Variants in LLPH observed in about 807,000 individuals in gnomAD.
The protein encoded by LLPH is protein LLP homolog.
LLPH carries 5 observed loss-of-function variants against 13.3 expected under a neutral mutation model. The observed-to-expected ratio is 0.38, with a 90% CI of 0.20 to 0.79. LLPH has a LOEUF of 0.79. LLPH is among the 30% of genes least tolerant of loss of function. LLPH has a pLI of 0.45. For missense variants in LLPH, 129 were observed against 152.1 expected (o/e 0.85, Z 0.80); for synonymous variants, 32 against 44.2 (o/e 0.72, Z 1.09).
In LLPH at chr12:66,119,632, G is replaced by A. The variant is rs954017767; in HGVS notation, c.*4208C>T. The A allele has an allele frequency of 1.3e-5, 2 of 152,234 alleles. No homozygotes were observed. Among genetic ancestry groups the A allele is most frequent in the African/African-American group, 4.8e-5 (2 of 41,454 alleles). 9.4% of individuals were successfully genotyped at this position (152,234 alleles called of 1,614,324 possible). A position where few individuals can be genotyped will look rare whatever the true frequency, so the allele number is the denominator to read the frequency against. ...CAAATTTGAATCACTCTGCCAGATG[G>A]CATCAGAAGTTAGTCACTTAACTAG... is the stretch of plus-strand genomic sequence containing the variant. On this transcript the variant is annotated 3_prime_UTR_variant, in exon 3 of 3. Coordinates refer to ENST00000266604, the MANE Select transcript of LLPH (RefSeq NM_032338.4).
At chr12:66,126,219 G>A (rs1400535849) in intron 2 of LLPH, among the ~76,000 whole-genome samples, 2 of 151,874 alleles carry the variant, frequency 1.3e-5, no homozygotes, top group Non-Finnish European at 2.9e-5. Flanking sequence ...AGCTACTAGG[G>A]AGGCTGAGGC....
At position 66,117,382 on chromosome 12, in the gene LLPH, A is replaced by G. The variant is rs879870295; in HGVS notation, c.*6458T>C. 1 of 152,232 alleles carries G rather than the reference A, an allele frequency of 6.6e-6. No homozygotes were observed. The highest frequency in any genetic ancestry group is 1.9e-4 in the East Asian group (1 of 5,194). 9.4% of individuals were successfully genotyped at this position (152,232 alleles called of 1,614,324 possible). A position where few individuals can be genotyped will look rare whatever the true frequency, so the allele number is the denominator to read the frequency against. ...TTCAGTCAATATAGGCAGTGGTCCCATAAGATTACAGTAGAGCTGAAACAT... is the reference window on the plus strand; with the variant it reads ...TTCAGTCAATATAGGCAGTGGTCCCGTAAGATTACAGTAGAGCTGAAACAT... On this transcript the variant is annotated 3_prime_UTR_variant, in exon 3 of 3. Coordinates refer to ENST00000266604, the MANE Select transcript of LLPH (RefSeq NM_032338.4).
intron 2 of LLPH, among the ~76,000 whole-genome samples, chr12:66,128,235 C>T (rs2136831214): frequency 6.6e-6 from 1 of 152,244 alleles, no homozygotes; most frequent in South Asian, 2.1e-4. Flanking sequence ...TTTCCTTGGG[C>T]ATAAGACATC....
chr12:66,119,375 T>A lies in LLPH; in HGVS notation c.*4465A>T, dbSNP rs2051448741. ...CTGCAAAAGACTCTTGGCATTCAAC[T>A]GCGGAAAATTTAGGGTTTTGTAAGC... On this transcript the variant is annotated 3_prime_UTR_variant, in exon 3 of 3. Transcript: ENST00000266604. 1 of 152,212 alleles carries A rather than the reference T, an allele frequency of 6.6e-6. No homozygotes were observed. 9.4% of individuals were successfully genotyped at this position (152,212 alleles called of 1,614,324 possible). A position where few individuals can be genotyped will look rare whatever the true frequency, so the allele number is the denominator to read the frequency against.
At position 66,119,515 on chromosome 12, in the gene LLPH, C is replaced by T. The variant is rs1181271811; in HGVS notation, c.*4325G>A. 1 of 152,128 alleles carries T rather than the reference C, an allele frequency of 6.6e-6. No individual in the cohort carries two copies. Among genetic ancestry groups the T allele is most frequent in the Non-Finnish European group, 1.5e-5 (1 of 68,026 alleles). The allele number at this position is 152,128 out of a possible 1,614,324, so 9.4% of individuals were successfully genotyped here. Reference sequence around the variant, plus strand: ...GTCCCACCTCACCCCTAAACATTTCCTTGTAAAATTGGTATGTGTCTACTG... The same window carrying T: ...GTCCCACCTCACCCCTAAACATTTCTTTGTAAAATTGGTATGTGTCTACTG... On this transcript the variant is annotated 3_prime_UTR_variant, in exon 3 of 3. Transcript: ENST00000266604.
rs1421651851 is a variant in LLPH at position 66,128,962 on chromosome 12, T to C, written c.145A>G (p.Thr49Ala). 1.8e-5 allele frequency: 29 copies of C among 1,613,482 alleles called. No homozygotes were observed. Among genetic ancestry groups the C allele is most frequent in the Non-Finnish European group, 2.3e-5 (27 of 1,179,594 alleles). The change falls in exon 2 of 3, where the codon ACT becomes GCT. Residue 49 changes from threonine (T) to alanine (A), a missense_variant. Thr to Ala is a moderately conservative substitution (Grantham distance 58). Transcript: ENST00000266604. ...TGTTTGGGTTTGGGTACCACCACAGTTGCTATCTCTTGAACATCTTTCATT... is the reference window on the plus strand; with the variant it reads ...TGTTTGGGTTTGGGTACCACCACAGCTGCTATCTCTTGAACATCTTTCATT... ...VLMKDVQEIA[T>A]VVVPKPKHCQ...
In LLPH at chr12:66,129,418, T is replaced by A. The variant is rs530709308; in HGVS notation, c.-7-305A>T. ...TTTTTTTTTTTGAGACAGAGTCTTGTTCTGTGTCCCAGGCTGGAGTGCAGT... is the reference window on the plus strand; with the variant it reads ...TTTTTTTTTTTGAGACAGAGTCTTGATCTGTGTCCCAGGCTGGAGTGCAGT... On this transcript the variant is annotated intron_variant, in intron 1 of 2. Coordinates refer to ENST00000266604, the MANE Select transcript of LLPH (RefSeq NM_032338.4). Among the ~76,000 whole-genome samples, 36 of 151,850 alleles carry A rather than the reference T, an allele frequency of 2.4e-4. No homozygotes were observed. In the South Asian group the frequency reaches 7.3e-3, roughly 31 times the overall value.
rs1054960770 is a variant in LLPH at position 66,119,234 on chromosome 12, G to A, written c.*4606C>T. 1 of 152,138 alleles carries A rather than the reference G, an allele frequency of 6.6e-6. No individual in the cohort carries two copies. The highest frequency in any genetic ancestry group is 2.1e-4 in the South Asian group (1 of 4,822). 9.4% of individuals were successfully genotyped at this position (152,138 alleles called of 1,614,324 possible). Reference sequence around the variant, plus strand: ...TTAAAGATTAAATAATATACATAAAGCATTTAAGAGAGTACGCATTCTCTA... The same window carrying A: ...TTAAAGATTAAATAATATACATAAAACATTTAAGAGAGTACGCATTCTCTA... On this transcript the variant is annotated 3_prime_UTR_variant, in exon 3 of 3. Transcript: ENST00000266604.
At position 66,120,786 on chromosome 12, in the gene LLPH, A is replaced by G. The variant is rs1339032103; in HGVS notation, c.*3054T>C. The G allele has an allele frequency of 6.6e-6, 1 of 152,214 alleles. No individual in the cohort carries two copies. The highest frequency in any genetic ancestry group is 1.9e-4 in the East Asian group (1 of 5,206). 9.4% of individuals were successfully genotyped at this position (152,214 alleles called of 1,614,324 possible). A position where few individuals can be genotyped will look rare whatever the true frequency, so the allele number is the denominator to read the frequency against. ...TAAAAGGACTATGCTATACTTCTCG[A>G]TTTGTAATCTTTAAAAATAAAGTGC... is the stretch of plus-strand genomic sequence containing the variant. On this transcript the variant is annotated 3_prime_UTR_variant, in exon 3 of 3. Coordinates refer to ENST00000266604, the MANE Select transcript of LLPH (RefSeq NM_032338.4).
In LLPH at chr12:66,128,969, C is replaced by T. The variant is rs2051515499; in HGVS notation, c.138G>A (p.Glu46=). 1 of 1,613,358 alleles carries T rather than the reference C, an allele frequency of 6.2e-7. No homozygotes were observed. The highest frequency in any genetic ancestry group is 1.3e-5 in the African/African-American group (1 of 74,874). Reference sequence around the variant, plus strand: ...GTTTGGGTACCACCACAGTTGCTATCTCTTGAACATCTTTCATTAAAACAT... The same window carrying T: ...GTTTGGGTACCACCACAGTTGCTATTTCTTGAACATCTTTCATTAAAACAT... The part of the protein sequence containing the change: ...DGDVLMKDVQ[E]IATVVVPKPK... Residue 46 remains glutamate, a synonymous_variant, in exon 2 of 3, where the codon GAG becomes GAA. Coordinates refer to ENST00000266604, the MANE Select transcript of LLPH (RefSeq NM_032338.4).
rs926967546 is a variant in LLPH, at chr12:66,116,759, T to C, written c.*7081A>G. On this transcript the variant is annotated 3_prime_UTR_variant, in exon 3 of 3. Coordinates refer to ENST00000266604, the MANE Select transcript of LLPH (RefSeq NM_032338.4). ...TCATCGCTTTAGGATATTAAATACA[T>C]TCCGCATATTAAAAACTTAATGTAT... 6.6e-6 allele frequency: 1 copy of C among 152,220 alleles called. No homozygotes were observed. Among genetic ancestry groups the C allele is most frequent in the Non-Finnish European group, 1.5e-5 (1 of 68,026 alleles). 9.4% of individuals were successfully genotyped at this position (152,220 alleles called of 1,614,324 possible).
In LLPH at chr12:66,123,167, A is replaced by G. The variant is rs1038563339; in HGVS notation, c.*673T>C. The G allele has an allele frequency of 2.0e-5, 3 of 151,266 alleles. No homozygotes were observed. Among genetic ancestry groups the G allele is most frequent in the South Asian group, 2.1e-4 (1 of 4,782 alleles). The allele number at this position is 151,266 out of a possible 1,614,324, so 9.4% of individuals were successfully genotyped here. ...TTTTTTTGAGACAGAGTCCTACTCC[A>G]TTGCCCAGGGTGGAGTGCAGTGGGG... On this transcript the variant is annotated 3_prime_UTR_variant, in exon 3 of 3. Coordinates refer to ENST00000266604, the MANE Select transcript of LLPH (RefSeq NM_032338.4).
chr12:66,116,710 A>C lies in LLPH; in HGVS notation c.*7130T>G, dbSNP rs2051430120. On this transcript the variant is annotated 3_prime_UTR_variant, in exon 3 of 3. Transcript: ENST00000266604. ...ATGTGAGAGTAAGAAAGTGTTTCATAAGATAGCATAATGCCAAGACAATTC... is the reference window on the plus strand; with the variant it reads ...ATGTGAGAGTAAGAAAGTGTTTCATCAGATAGCATAATGCCAAGACAATTC... The C allele has an allele frequency of 1.3e-5, 2 of 152,252 alleles. No individual in the cohort carries two copies. The highest frequency in any genetic ancestry group is 6.5e-5 in the Admixed American group (1 of 15,292). 9.4% of individuals were successfully genotyped at this position (152,252 alleles called of 1,614,324 possible).
At position 66,121,507 on chromosome 12, in the gene LLPH, C is replaced by T. The variant is rs1007766300; in HGVS notation, c.*2333G>A. 2.6e-5 allele frequency: 4 copies of T among 151,272 alleles called. No individual in the cohort carries two copies. The highest frequency in any genetic ancestry group is 9.7e-5 in the African/African-American group (4 of 41,210). The allele number at this position is 151,272 out of a possible 1,614,324, so 9.4% of individuals were successfully genotyped here. A position where few individuals can be genotyped will look rare whatever the true frequency, so the allele number is the denominator to read the frequency against. ...ATGTTGGTCAGGCTGGTCTCAAACT[C>T]CTGACCTCAGGTGATCCATCTGCCT... On this transcript the variant is annotated 3_prime_UTR_variant, in exon 3 of 3. Transcript: ENST00000266604.
intron 2 of LLPH, among the ~76,000 whole-genome samples, chr12:66,124,906 T>C (rs1463922018): frequency 6.6e-6 from 1 of 152,126 alleles, no homozygotes; most frequent in Non-Finnish European, 1.5e-5. Context: ...AAAGAAAACC[T>C]CAGCCAGGTA....
rs903331265 is a variant in LLPH at position 66,119,211 on chromosome 12, A to C, written c.*4629T>G. 4 of 152,168 alleles carry C rather than the reference A, an allele frequency of 2.6e-5. No individual in the cohort carries two copies. Among genetic ancestry groups the C allele is most frequent in the African/African-American group, 4.8e-5 (2 of 41,440 alleles). The allele number at this position is 152,168 out of a possible 1,614,324, so 9.4% of individuals were successfully genotyped here. A position where few individuals can be genotyped will look rare whatever the true frequency, so the allele number is the denominator to read the frequency against. ...TAAAGTATTGATCCCACAGTGTTTT[A>C]AAGATTAAATAATATACATAAAGCA... is the stretch of plus-strand genomic sequence containing the variant. On this transcript the variant is annotated 3_prime_UTR_variant, in exon 3 of 3. Coordinates refer to ENST00000266604, the MANE Select transcript of LLPH (RefSeq NM_032338.4).
In LLPH at chr12:66,118,764, G is replaced by C. The variant is rs1374762129; in HGVS notation, c.*5076C>G. 2 of 152,156 alleles carry C rather than the reference G, an allele frequency of 1.3e-5. No individual in the cohort carries two copies. The highest frequency in any genetic ancestry group is 2.9e-5 in the Non-Finnish European group (2 of 68,036). The allele number at this position is 152,156 out of a possible 1,614,324, so 9.4% of individuals were successfully genotyped here. A position where few individuals can be genotyped will look rare whatever the true frequency, so the allele number is the denominator to read the frequency against. Reference sequence around the variant, plus strand: ...TCTCAGAACACATCCCAGTCATTTAGTGACATATGACTATATATGGGAGGA... The same window carrying C: ...TCTCAGAACACATCCCAGTCATTTACTGACATATGACTATATATGGGAGGA... On this transcript the variant is annotated 3_prime_UTR_variant, in exon 3 of 3. Coordinates refer to ENST00000266604, the MANE Select transcript of LLPH (RefSeq NM_032338.4).
chr12:66,120,377 C>T lies in LLPH; in HGVS notation c.*3463G>A, dbSNP rs1456708261. 6.6e-6 allele frequency: 1 copy of T among 152,210 alleles called. No individual in the cohort carries two copies. The highest frequency in any genetic ancestry group is 6.5e-5 in the Admixed American group (1 of 15,284). The allele number at this position is 152,210 out of a possible 1,614,324, so 9.4% of individuals were successfully genotyped here. On this transcript the variant is annotated 3_prime_UTR_variant, in exon 3 of 3. Coordinates refer to ENST00000266604, the MANE Select transcript of LLPH (RefSeq NM_032338.4). ...TGTAAGAGTATAGGCTCTAGAGCCA[C>T]ACTGCCTAAATTTGAATCCCAGATT... is the stretch of plus-strand genomic sequence containing the variant.
chr12:66,125,486 T>C (rs1385084788), intron 2 of LLPH, among the ~76,000 whole-genome samples: 1 of 152,084 alleles, frequency 6.6e-6, no homozygotes, highest in African/African-American at 2.4e-5. Flanking sequence ...GCCAAATTGA[T>C]AACAAATAGA....
Sources: gnomAD v4.1 joint callset for allele counts (sites outside exome capture counted in the v4.1 genomes callset) on GRCh38, gnomAD v4.1.1 for gene constraint, MANE v1.5 for transcripts, NCBI Gene and HGNC (gene_info 2026-07-23, HGNC 2026-07-21) for gene names.